The following PRKN variants were observed in gnomAD, a reference collection of about 807,000 sequenced individuals.
PRKN encodes parkin RBR E3 ubiquitin protein ligase.
In PRKN, 56 loss-of-function variants were observed where a neutral mutation model predicts 59.5. That is an observed-to-expected ratio of 0.94 (90% confidence interval 0.76 to 1.18). The LOEUF is 1.18. Among genes scored for constraint, PRKN ranks in the 50% most tolerant of loss-of-function variants. The probability of loss-of-function intolerance (pLI) is 0.00; values close to 1 mark genes in which losing one functional copy is unlikely to be tolerated. For missense variants in PRKN, 657 were observed against 596.4 expected, an observed-to-expected ratio of 1.10 and a Z score of -1.06; for synonymous variants, 250 against 222.1, an observed-to-expected ratio of 1.13 and a Z score of -1.12.
At chr6:162,384,000 C>A (rs749836309) in intron 2 of PRKN, among the ~76,000 whole-genome samples, 1 of 152,190 alleles carries the variant, frequency 6.6e-6, no homozygotes, top group African/African-American at 2.4e-5. Flanking sequence ...AAGAGTTAGA[C>A]CCTTGTCTGA....
At chr6:162,100,677 G>T (rs1285884235) in intron 4 of PRKN, among the ~76,000 whole-genome samples, 2 of 152,028 alleles carry the variant, frequency 1.3e-5, no homozygotes, top group Admixed American at 6.6e-5. Flanking sequence ...CCTGACCTCA[G>T]ATGATCTGTC....
intron 7 of PRKN, among the ~76,000 whole-genome samples, chr6:161,781,400 A>G (rs1056227176): frequency 1.3e-5 from 2 of 152,124 alleles, no homozygotes; most frequent in African/African-American, 4.8e-5. Flanking sequence ...TCCCTGCCTC[A>G]CTCCCTATTA....
intron 3 of PRKN, among the ~76,000 whole-genome samples, chr6:162,254,307 A>C (rs577286722): frequency 6.6e-6 from 1 of 152,024 alleles, no homozygotes. Context: ...AAATACAAAA[A>C]TTAGCTGGGC....
intron 6 of PRKN, among the ~76,000 whole-genome samples, chr6:161,815,467 T>C (rs1791736895): frequency 6.6e-6 from 1 of 152,178 alleles, no homozygotes; most frequent in Non-Finnish European, 1.5e-5. Flanking sequence ...ATATCCAACT[T>C]GGTCAACTTT....
chr6:162,142,187 A>G (rs1484939339), intron 4 of PRKN, among the ~76,000 whole-genome samples: 1 of 152,214 alleles, frequency 6.6e-6, no homozygotes, highest in Non-Finnish European at 1.5e-5. Flanking sequence ...ATGAAAATGC[A>G]TAGTGAGAAG....
intron 7 of PRKN, among the ~76,000 whole-genome samples, chr6:161,761,400 C>T (rs1486564412): frequency 3.9e-5 from 6 of 152,160 alleles, no homozygotes; most frequent in Non-Finnish European, 8.8e-5. Flanking sequence ...CTTTGTGCCA[C>T]ATGGTACAAT....
In PRKN at chr6:161,753,209, T is replaced by C. The variant is rs1200744069; in HGVS notation, c.871+32563A>G. ...AAAGTAATGCTGATGAAGAGTTGCA[T>C]GATAGTTGTCTGGGAGTGAGAAGTC... On this transcript the variant is annotated intron_variant, in intron 7 of 11. Coordinates refer to ENST00000366898, the MANE Select transcript of PRKN (RefSeq NM_004562.3). Among the ~76,000 whole-genome samples the C allele has an allele frequency of 2.0e-5, 3 of 152,058 alleles. No homozygotes were observed. In the East Asian group the frequency reaches 5.8e-4, roughly 29 times the overall value.
rs1466232267 is a variant in PRKN at position 162,308,810 on chromosome 6, G to A, written c.172-46045C>T. Among the ~76,000 whole-genome samples, 3 of 152,072 alleles carry A rather than the reference G, an allele frequency of 2.0e-5. No individual in the cohort carries two copies. The East Asian group carries it at 5.8e-4, about 29-fold the overall frequency. On this transcript the variant is annotated intron_variant, in intron 2 of 11. Transcript: ENST00000366898. ...GATTATATTTTCTGGTGCCAGGGCA[G>A]CCCATCTTGCTTGACCTTTTTTACT...
intron 7 of PRKN, among the ~76,000 whole-genome samples, chr6:161,777,018 CA>C (rs1180048360): frequency 2.0e-5 from 3 of 152,152 alleles, no homozygotes; most frequent in African/African-American, 7.2e-5. Context: ...CTTATCTATT[CA>C]CACAGTGATT....
chr6:161,883,738 C>A lies in PRKN; in HGVS notation c.734+89564G>T, dbSNP rs892652800. Among the ~76,000 whole-genome samples the A allele has an allele frequency of 2.6e-5, 4 of 152,088 alleles. No homozygotes were observed. In the South Asian group the frequency reaches 8.3e-4, roughly 32 times the overall value. ...GAACTCAGCTCGCTGCTGAAACTTC[C>A]ACCCCTTGGATTCAAGCAATTTTCC... On this transcript the variant is annotated intron_variant, in intron 6 of 11. Transcript: ENST00000366898.
chr6:162,302,959 A>AACACACACACACACACAC (rs1184692308), intron 2 of PRKN, among the ~76,000 whole-genome samples: 11 of 48,214 alleles, frequency 2.3e-4, no homozygotes, highest in Non-Finnish European at 5.1e-4. Context: ...ATATGCCTTA[A>AACACACACACACACACAC]ACATACACAC....
intron 1 of PRKN, among the ~76,000 whole-genome samples, chr6:162,484,097 C>T (rs759107750): frequency 3.3e-5 from 5 of 152,078 alleles, no homozygotes; most frequent in African/African-American, 4.8e-5. Context: ...AAGAAAGCAA[C>T]GATAGCATCA....
chr6:162,173,349 T>C (rs111913184), intron 4 of PRKN, among the ~76,000 whole-genome samples: 4 of 152,106 alleles, frequency 2.6e-5, no homozygotes. Flanking sequence ...GAGTACAAGA[T>C]GGAAAACCAA....
At chr6:162,461,002 T>C (rs1234532583) in intron 1 of PRKN, among the ~76,000 whole-genome samples, 1 of 152,160 alleles carries the variant, frequency 6.6e-6, no homozygotes, top group Non-Finnish European at 1.5e-5. Context: ...CTGGTGACAT[T>C]AAAATTCATT....
intron 6 of PRKN, among the ~76,000 whole-genome samples, chr6:161,809,642 A>G (rs948451789): frequency 1.1e-4 from 17 of 152,222 alleles, no homozygotes; most frequent in African/African-American, 4.1e-4. Flanking sequence ...CAATTTTTGA[A>G]AACTAAAAAT....
chr6:161,909,944 C>T (rs564234322), intron 6 of PRKN, among the ~76,000 whole-genome samples: 16 of 152,052 alleles, frequency 1.1e-4, no homozygotes, highest in South Asian at 8.3e-4. Context: ...GAAAACATGC[C>T]GGTGGGGGAA....
chr6:161,959,970 T>C (rs1279945790), intron 6 of PRKN, among the ~76,000 whole-genome samples: 2 of 152,188 alleles, frequency 1.3e-5, no homozygotes, highest in African/African-American at 2.4e-5. Context: ...TCATCTGCTT[T>C]CTGTGTTACA....
In PRKN at chr6:161,679,556, CTTTTTTTT is replaced by C. The variant is rs34325718; in HGVS notation, c.871+106208_871+106215del. Among the ~76,000 whole-genome samples the C allele has an allele frequency of 3.7e-5, 4 of 109,034 alleles. No individual in the cohort carries two copies. The East Asian group carries it at 8.5e-4, about 23-fold the overall frequency. 71.5% of individuals were successfully genotyped at this position (109,034 alleles called of 152,430 possible). A position where few individuals can be genotyped will look rare whatever the true frequency, so the allele number is the denominator to read the frequency against. ...TTCTTGGCAAGCTGGAGTTTCAAGT[CTTTTTTTT>C]TTTTTTTTTTTTTTTAAACACCAAC... On this transcript the variant is annotated intron_variant, in intron 7 of 11. Transcript: ENST00000366898.
intron 3 of PRKN, among the ~76,000 whole-genome samples, chr6:162,245,472 G>C (rs1180927502): frequency 2.0e-5 from 3 of 151,652 alleles, no homozygotes; most frequent in African/African-American, 4.8e-5. Context: ...GAAAATTTTT[G>C]ACACTTGTAC....
Sources: allele counts gnomAD v4.1 joint callset (sites outside exome capture counted in the v4.1 genomes callset), GRCh38; gene constraint gnomAD v4.1.1; transcripts MANE v1.5; gene names NCBI Gene and HGNC (gene_info 2026-07-23, HGNC 2026-07-21).